Variants in ANKRD26 observed in about 807,000 individuals in gnomAD.
The protein encoded by ANKRD26 is ankyrin repeat domain-containing protein 26.
ANKRD26 carries 141 observed loss-of-function variants against 208.7 expected under a neutral mutation model. That is an observed-to-expected ratio of 0.68 (90% CI 0.59 to 0.78). The LOEUF is 0.78. ANKRD26 is among the 30% of genes least tolerant of loss of function. The probability of loss-of-function intolerance (pLI) is 0.00; values close to 1 mark genes in which losing one functional copy is unlikely to be tolerated. For missense variants in ANKRD26, 1,889 were observed against 1,938.7 expected (o/e 0.97, Z 0.48); for synonymous variants, 636 against 660.4 (o/e 0.96, Z 0.57).
intron 32 of ANKRD26, among the ~76,000 whole-genome samples, chr10:27,007,507 T>A (rs1176732267): frequency 6.6e-6 from 1 of 151,982 alleles, no homozygotes; most frequent in Non-Finnish European, 1.5e-5. Flanking sequence ...ACAAAAAAAA[T>A]TAGCCAGATA....
rs1290138415 is a variant in ANKRD26, at chr10:27,037,881, T to C, written c.2549A>G (p.Asn850Ser). 1 of 1,607,704 alleles carries C rather than the reference T, an allele frequency of 6.2e-7. No individual in the cohort carries two copies. Among genetic ancestry groups the C allele is most frequent in the African/African-American group, 1.3e-5 (1 of 74,784 alleles). ...LEMELRTVKS[N>S]LNQVVQERND... ...CAAAAATTAATTTACCTGATTCAAA[T>C]TACTTTTTACAGTCCTCAATTCCAT... The change falls in exon 22 of 34, where the codon AAT becomes AGT. Residue 850 changes from asparagine to serine, a missense_variant. Transcript: ENST00000376087.
At chr10:27,033,096 AG>A (rs1255225056) in intron 25 of ANKRD26, 128 bp downstream of exon 25, 8 of 580,528 alleles carry the variant, frequency 1.4e-5, no homozygotes, top group Non-Finnish European at 1.7e-5. Flanking sequence ...AAAAAAAAAA[AG>A]ATAATAAAAT....
intron 28 of ANKRD26, among the ~76,000 whole-genome samples, chr10:27,023,241 C>G (rs188546384): frequency 6.6e-6 from 1 of 151,660 alleles, no homozygotes; most frequent in African/African-American, 2.4e-5. Flanking sequence ...AGTTGGGAGG[C>G]GGAGCCAGGA....
At chr10:27,089,974 T>G (rs765948799) in intron 4 of ANKRD26, among the ~76,000 whole-genome samples, 1 of 152,176 alleles carries the variant, frequency 6.6e-6, no homozygotes, top group Non-Finnish European at 1.5e-5. Context: ...AAACCTCTAT[T>G]TAGTGTTAAC....
rs192827581 is a variant in ANKRD26, at chr10:27,037,868, T to C, written c.2559+3A>G. The stretch of plus-strand genomic sequence containing the variant: ...ATAAAATTTTTATCAAAAATTAATT[T>C]ACCTGATTCAAATTACTTTTTACAG... On this transcript the variant is annotated splice_donor_region_variant and intron_variant, in intron 22 of 33. Coordinates refer to ENST00000376087, the MANE Select transcript of ANKRD26 (RefSeq NM_014915.3). 691 of 1,600,380 alleles carry C rather than the reference T, an allele frequency of 4.3e-4. 4 individuals carry two copies. In the African/African-American group the frequency reaches 8.1e-3, roughly 19 times the overall value.
At chr10:26,955,785 G>T in the ANKRD26 span, among the ~76,000 whole-genome samples, 1 of 152,164 alleles carries the variant, frequency 6.6e-6, no homozygotes. Context: ...CATTAAGAAG[G>T]CTGTTTTATT....
chr10:27,037,111 T>C (rs2054069663), intron 23 of ANKRD26, 75 bp downstream of exon 23: 6 of 1,455,286 alleles, frequency 4.1e-6, no homozygotes, highest in South Asian at 1.2e-5. Flanking sequence ...GCATATATAG[T>C]TGGTTTTTAA....
At chr10:27,017,173 T>G (rs191057830) in intron 30 of ANKRD26, among the ~76,000 whole-genome samples, 5 of 152,252 alleles carry the variant, frequency 3.3e-5, no homozygotes, top group Admixed American at 6.5e-5. Context: ...TTAAAAATTT[T>G]AAAAAGTGAG....
In ANKRD26 at chr10:27,066,541, C is replaced by T. The variant is rs2055255222; in HGVS notation, c.1215G>A (p.Met405Ile). 5.6e-6 allele frequency: 9 copies of T among 1,596,898 alleles called. No individual in the cohort carries two copies. Among genetic ancestry groups the T allele is most frequent in the South Asian group, 1.1e-5 (1 of 89,800 alleles). ...EVHKNNRSDM[M>I]SALGLGQEED... ...CCTCTTGTCCTAATCCTAATGCGGA[C>T]ATCATATCTATCAAATGTGATACAC... Residue 405 changes from methionine (M) to isoleucine (I), a missense_variant, in exon 11 of 34, where the codon ATG (methionine) becomes ATA (isoleucine). Physicochemically the swap from Met to Ile is conservative, Grantham distance 10. Transcript: ENST00000376087.
intron 17 of ANKRD26, among the ~76,000 whole-genome samples, chr10:27,048,259 T>C (rs149513035): frequency 1.7e-3 from 264 of 152,302 alleles, no homozygotes; most frequent in African/African-American, 6.2e-3. Flanking sequence ...TGGGATACTA[T>C]AATAAATATC....
chr10:27,083,194 G>A (rs977526858), intron 5 of ANKRD26, among the ~76,000 whole-genome samples: 3 of 151,880 alleles, frequency 2.0e-5, no homozygotes, highest in African/African-American at 7.3e-5. Context: ...TTCTGCCTTT[G>A]CCTTACATTT....
chr10:27,035,171 A>C lies in ANKRD26; in HGVS notation c.3279T>G (p.Gly1093=), dbSNP rs1461205453. 2.5e-6 allele frequency: 4 copies of C among 1,613,876 alleles called. No homozygotes were observed. In the South Asian group the frequency reaches 4.4e-5, roughly 18 times the overall value. ...TTAGGTCCTTTTGTACCCGTTCTAA[A>C]CCCAAAGTCTTTTCTCTGAGGGCAT... ...TRDALREKTL[G]LERVQKDLSQ... Residue 1093 remains glycine (G), a synonymous_variant, in exon 24 of 34, where the codon GGT becomes GGG. Coordinates refer to ENST00000376087, the MANE Select transcript of ANKRD26 (RefSeq NM_014915.3).
At chr10:26,980,008 A>G (rs1483966253) in intron 5 of ANKRD26, among the ~76,000 whole-genome samples, 5 of 152,058 alleles carry the variant, frequency 3.3e-5, no homozygotes, top group African/African-American at 1.2e-4. Flanking sequence ...CCATGGCCCA[A>G]TTTGTTATGT....
At chr10:26,997,494 CA>C (rs966022499) in intron 4 of ANKRD26, among the ~76,000 whole-genome samples, 2 of 152,170 alleles carry the variant, frequency 1.3e-5, no homozygotes, top group Admixed American at 6.5e-5. Flanking sequence ...CAGCCTAAAG[CA>C]GTCCCGTTTC....
rs539052211 is a variant in ANKRD26, at chr10:26,998,237, T to C, written c.563-3090A>G. Among the ~76,000 whole-genome samples, 10 of 151,960 alleles carry C rather than the reference T, an allele frequency of 6.6e-5. No individual in the cohort carries two copies. The East Asian group carries it at 2.0e-3, about 30-fold the overall frequency. On this transcript the variant is annotated intron_variant, in intron 4 of 5. Coordinates refer to the ANKRD26 transcript ENST00000445828. ...GCAATCAGCTGACATCTTGCAATAC[T>C]GTTGCAAAGTTTTATTAAAACATGT...
chr10:26,981,784 A>G (rs188204521), intron 4 of ANKRD26, among the ~76,000 whole-genome samples: 8 of 152,158 alleles, frequency 5.3e-5, no homozygotes, highest in African/African-American at 1.9e-4. Context: ...GTCAGACCCA[A>G]TGGGTTCTGC....
intron 15 of ANKRD26, among the ~76,000 whole-genome samples, chr10:27,057,320 T>C (rs942295905): frequency 6.6e-6 from 1 of 152,218 alleles, no homozygotes; most frequent in Non-Finnish European, 1.5e-5. Flanking sequence ...TGTTTTTATT[T>C]TTCAGTATTA....
At chr10:27,082,527 A>C (rs2055959245) in intron 6 of ANKRD26, among the ~76,000 whole-genome samples, 1 of 152,182 alleles carries the variant, frequency 6.6e-6, no homozygotes, top group Non-Finnish European at 1.5e-5. Context: ...GTCTCTATCA[A>C]TCTATGCTGA....
chr10:27,058,616 G>A (rs1589300401), intron 15 of ANKRD26, among the ~76,000 whole-genome samples: 1 of 147,902 alleles, frequency 6.8e-6, no homozygotes, highest in African/African-American at 2.5e-5. Context: ...TCACTCTATC[G>A]CCAGGCTGGA....
Sources: allele counts gnomAD v4.1 joint callset (sites outside exome capture counted in the v4.1 genomes callset), GRCh38; gene constraint gnomAD v4.1.1; transcripts MANE v1.5; gene names NCBI Gene and HGNC (gene_info 2026-07-23, HGNC 2026-07-21).